Variants in ZGPAT observed in about 807,000 individuals in gnomAD.
The protein encoded by ZGPAT is zinc finger CCCH-type with G patch domain-containing protein.
ZGPAT carries 39 observed loss-of-function variants against 47.9 expected under a neutral mutation model. That is an observed-to-expected ratio of 0.81 (90% CI 0.63 to 1.06). The LOEUF is 1.06. Among genes scored for constraint, ZGPAT ranks in the 50% least tolerant of loss-of-function variants. The probability of loss-of-function intolerance (pLI) is 0.00; values close to 1 mark genes in which losing one functional copy is unlikely to be tolerated. For synonymous variants in ZGPAT, 348 were observed against 292.9 expected (o/e 1.19, Z -1.92); for missense variants, 717 against 681.4 (o/e 1.05, Z -0.58).
intron 2 of ZGPAT, among the ~76,000 whole-genome samples, chr20:63,732,596 T>G (rs1197125379): frequency 1.3e-5 from 2 of 148,964 alleles, no homozygotes; most frequent in African/African-American, 4.9e-5. Context: ...AGTGCATGTT[T>G]ATACGCGTGT....
intron 2 of ZGPAT, among the ~76,000 whole-genome samples, chr20:63,715,281 G>A (rs917744977): frequency 2.8e-5 from 4 of 143,286 alleles, no homozygotes; most frequent in South Asian, 2.2e-4. Flanking sequence ...TCACTCTGTC[G>A]CCGGGCTGGA....
intron 2 of ZGPAT, among the ~76,000 whole-genome samples, chr20:63,718,856 G>A (rs1048282406): frequency 6.6e-6 from 1 of 152,042 alleles, no homozygotes; most frequent in African/African-American, 2.4e-5. Context: ...CACGAGGTCA[G>A]GAGATCAAGA....
intron 2 of ZGPAT, among the ~76,000 whole-genome samples, chr20:63,712,510 T>G (rs1008897454): frequency 6.6e-6 from 1 of 152,238 alleles, no homozygotes; most frequent in African/African-American, 2.4e-5. Context: ...TAGGATCGGC[T>G]TGTCCAATTC....
intron 2 of ZGPAT, among the ~76,000 whole-genome samples, chr20:63,728,619 CAG>C (rs958298917): frequency 1.3e-5 from 2 of 152,208 alleles, no homozygotes; most frequent in Admixed American, 6.5e-5. Flanking sequence ...CTCTCATTTT[CAG>C]AGTCTTCCTG....
intron 2 of ZGPAT, among the ~76,000 whole-genome samples, chr20:63,729,543 C>A (rs539900471): frequency 6.6e-6 from 1 of 152,144 alleles, no homozygotes; most frequent in Non-Finnish European, 1.5e-5. Flanking sequence ...TTTCTCCTTG[C>A]ACCCCATCTG....
At chr20:63,709,196 A>C in intron 2 of ZGPAT, 32 bp downstream of exon 2, 1 of 1,598,830 alleles carries the variant, frequency 6.3e-7, no homozygotes, top group South Asian at 1.1e-5. Context: ...TGCCAACCTT[A>C]GGGGCGTAAG....
chr20:63,732,487 ATG>A (rs1353738388), intron 2 of ZGPAT, among the ~76,000 whole-genome samples: 1 of 133,118 alleles, frequency 7.5e-6, no homozygotes, highest in Non-Finnish European at 1.6e-5. Flanking sequence ...GTGAGGGCGT[ATG>A]TGTGTGGGTG....
rs1434280828 is a variant in ZGPAT at position 63,708,546 on chromosome 20, C to T, written c.-28-7C>T. On this transcript the variant is annotated splice_polypyrimidine_tract_variant and splice_region_variant and intron_variant, in intron 1 of 6. Transcript: ENST00000355969. The stretch of plus-strand genomic sequence containing the variant: ...ACGCGGGGCTCAGCTGGCTTCTCTT[C>T]TTGCAGCCCTGGTCCAGCGCCTCCC... 4 of 1,539,716 alleles carry T rather than the reference C, an allele frequency of 2.6e-6. No homozygotes were observed. Among genetic ancestry groups the T allele is most frequent in the Admixed American group, 2.0e-5 (1 of 51,278 alleles).
rs142382630 is a variant in ZGPAT, at chr20:63,729,232, G to A, written c.585-3987G>A. Among the ~76,000 whole-genome samples the A allele has an allele frequency of 1.2e-3, 177 of 152,128 alleles. 1 individual carries two copies. The highest frequency in any genetic ancestry group is 2.1e-3 in the South Asian group (10 of 4,818). On this transcript the variant is annotated intron_variant, in intron 2 of 6. Transcript: ENST00000355969. Reference sequence around the variant, plus strand: ...TTTGGTAGAGGTGGGGTTTCACCACGTTGGCCAGGCTGGTCTCAAACTCCT... The same window carrying A: ...TTTGGTAGAGGTGGGGTTTCACCACATTGGCCAGGCTGGTCTCAAACTCCT...
chr20:63,715,019 G>A (rs549596664), intron 2 of ZGPAT, among the ~76,000 whole-genome samples: 3 of 151,898 alleles, frequency 2.0e-5, no homozygotes, highest in Non-Finnish European at 4.4e-5. Flanking sequence ...TTGTTAATGT[G>A]GTATATTGAT....
intron 3 of ZGPAT, 106 bp from the exon 4 acceptor site, chr20:63,733,481 A>G (rs886212598): frequency 1.1e-5 from 18 of 1,604,866 alleles, no homozygotes; most frequent in East Asian, 2.2e-5. Flanking sequence ...AAATGAGCAC[A>G]CCTACCCTCA....
At position 63,721,744 on chromosome 20, in the gene ZGPAT, G is replaced by A. The variant is rs149356765; in HGVS notation, c.585-11475G>A. Among the ~76,000 whole-genome samples, 1,240 of 152,080 alleles carry A rather than the reference G, an allele frequency of 8.2e-3. 10 individuals are homozygous for A. Among genetic ancestry groups the A allele is most frequent in the Non-Finnish European group, 0.014 (939 of 68,000 alleles). On this transcript the variant is annotated intron_variant, in intron 2 of 6. Coordinates refer to ENST00000355969, the MANE Select transcript of ZGPAT (RefSeq NM_181485.3). ...CTGTAAATGCCTTCAGGCCAGGCGC[G>A]GTGGCTCATACCTGTTATCCCAGCA...
chr20:63,719,080 A>AT (rs2091761541), intron 2 of ZGPAT, among the ~76,000 whole-genome samples: 2 of 151,210 alleles, frequency 1.3e-5, no homozygotes, highest in Non-Finnish European at 3.0e-5. Context: ...AAAAAAAAAA[A>AT]TGTCATCTCA....
At chr20:63,714,924 A>G (rs1429370712) in intron 2 of ZGPAT, among the ~76,000 whole-genome samples, 3 of 151,946 alleles carry the variant, frequency 2.0e-5, no homozygotes, top group Non-Finnish European at 4.4e-5. Context: ...TACAGGGGTG[A>G]GTCACTGCAC....
At chr20:63,731,465 T>C (rs1252745247) in intron 2 of ZGPAT, among the ~76,000 whole-genome samples, 1 of 106,616 alleles carries the variant, frequency 9.4e-6, no homozygotes, top group African/African-American at 2.7e-5. Context: ...TTGGTGTGTA[T>C]GTGTGCATGT....
At chr20:63,711,776 C>T (rs190683580) in intron 2 of ZGPAT, among the ~76,000 whole-genome samples, 12 of 152,178 alleles carry the variant, frequency 7.9e-5, no homozygotes, top group African/African-American at 2.6e-4. Context: ...TTAGTAGAGG[C>T]AGGGTTTCAC....
chr20:63,732,485 G>A lies in ZGPAT; in HGVS notation c.585-734G>A, dbSNP rs539428117. 4.6e-3 allele frequency among the ~76,000 whole-genome samples: 668 copies of A among 146,116 alleles called. 5 individuals carry two copies. The highest frequency in any genetic ancestry group is 6.9e-3 in the African/African-American group (270 of 39,366). Reference sequence around the variant, plus strand: ...TGTGCGCATGTGTGTGGGTGAGGGCGTATGTGTGTGGGTGAGGGCACGTGT... The same window carrying A: ...TGTGCGCATGTGTGTGGGTGAGGGCATATGTGTGTGGGTGAGGGCACGTGT... On this transcript the variant is annotated intron_variant, in intron 2 of 6. Coordinates refer to ENST00000355969, the MANE Select transcript of ZGPAT (RefSeq NM_181485.3).
intron 2 of ZGPAT, among the ~76,000 whole-genome samples, chr20:63,732,235 ATG>A (rs112111529): frequency 0.2 from 29,488 of 146,596 alleles, 3,662 homozygotes; most frequent in East Asian, 0.61. Context: ...GTGCGGGTGC[ATG>A]TGTGCGTGCA....
Position 63,735,467 on chromosome 20 carries a change from G to T in ZGPAT, c.1300G>T (p.Ala434Ser). The T allele has an allele frequency of 6.4e-7, 1 of 1,561,152 alleles. No individual in the cohort carries two copies. Among genetic ancestry groups the T allele is most frequent in the Non-Finnish European group, 8.6e-7 (1 of 1,158,228 alleles). The change falls in exon 6 of 7, where the codon GCC becomes TCC. Residue 434 changes from alanine (A) to serine (S), a missense_variant. Coordinates refer to ENST00000355969, the MANE Select transcript of ZGPAT (RefSeq NM_181485.3). The part of the protein sequence containing the change: ...MYHASKSAKR[A>S]LSLRLFQTEE... ...CCATGCCAGCAAGAGTGCCAAGCGG[G>T]CCCTGAGCCTGCGGCTCTTCCAGAC...
Sources: gnomAD v4.1 joint callset for allele counts (sites outside exome capture counted in the v4.1 genomes callset) on GRCh38, gnomAD v4.1.1 for gene constraint, MANE v1.5 for transcripts, NCBI Gene and HGNC (gene_info 2026-07-23, HGNC 2026-07-21) for gene names.